ARNT2: variants seen among roughly 807,000 people sequenced by gnomAD.
ARNT2 encodes aryl hydrocarbon receptor nuclear translocator 2.
A neutral mutation model predicts 91.7 loss-of-function variants in ARNT2; 36 were observed. The ratio of observed to expected loss-of-function variants is 0.39; its 90% confidence interval spans 0.30 to 0.52. The LOEUF is 0.52. Ranked by LOEUF, ARNT2 falls within the 20% of genes least tolerant of loss-of-function variation. The probability of loss-of-function intolerance (pLI) is 0.72; values close to 1 mark genes in which losing one functional copy is unlikely to be tolerated. For synonymous variants in ARNT2, 365 were observed against 347.1 expected, an observed-to-expected ratio of 1.05 and a Z score of -0.57; for missense variants, 775 against 939.3, an observed-to-expected ratio of 0.83 and a Z score of 2.29.
chr15:80,431,547 C>T (rs28463420), intron 1 of ARNT2, among the ~76,000 whole-genome samples: 2,484 of 152,296 alleles, frequency 0.016, 63 homozygotes, highest in African/African-American at 0.056. Flanking sequence ...AAGCCATTCC[C>T]GGATGGGCCG....
At chr15:80,550,061 C>T (rs1898057438) in intron 8 of ARNT2, among the ~76,000 whole-genome samples, 1 of 152,090 alleles carries the variant, frequency 6.6e-6, no homozygotes, top group Non-Finnish European at 1.5e-5. Context: ...GAGTGAATTC[C>T]AGGACATAGT....
chr15:80,411,367 A>T (rs963276291), intron 1 of ARNT2, among the ~76,000 whole-genome samples: 1 of 152,244 alleles, frequency 6.6e-6, no homozygotes, highest in Non-Finnish European at 1.5e-5. Context: ...GGTTTTGTTA[A>T]TGAATAAATG....
chr15:80,542,908 G>A (rs1897933592), intron 8 of ARNT2, among the ~76,000 whole-genome samples: 1 of 151,698 alleles, frequency 6.6e-6, no homozygotes, highest in Admixed American at 6.6e-5. Flanking sequence ...TGCCAGCCTG[G>A]GCAACATGGT....
chr15:80,522,271 A>G (rs1897560031), intron 8 of ARNT2, among the ~76,000 whole-genome samples: 1 of 152,212 alleles, frequency 6.6e-6, no homozygotes, highest in African/African-American at 2.4e-5. Flanking sequence ...GTGATAAACA[A>G]GCAAACTGAG....
At chr15:80,415,651 A>G (rs1895769868) in intron 1 of ARNT2, among the ~76,000 whole-genome samples, 1 of 152,214 alleles carries the variant, frequency 6.6e-6, no homozygotes, top group Non-Finnish European at 1.5e-5. Context: ...CGGTCCACGT[A>G]ACATTGGATG....
chr15:80,459,008 T>C (rs1165108367), intron 3 of ARNT2, among the ~76,000 whole-genome samples: 1 of 152,196 alleles, frequency 6.6e-6, no homozygotes, highest in Non-Finnish European at 1.5e-5. Flanking sequence ...TGGTAGCCAT[T>C]TTTGGTGATG....
intron 1 of ARNT2, among the ~76,000 whole-genome samples, chr15:80,421,788 C>T (rs1023749806): frequency 5.3e-5 from 8 of 152,178 alleles, no homozygotes; most frequent in Non-Finnish European, 1.5e-5. Flanking sequence ...AAATTAGAAG[C>T]TAATCTCTGA....
At position 80,591,824 on chromosome 15, in the gene ARNT2, T is replaced by C; in HGVS notation, c.2055+120T>C. 1 of 1,486,962 alleles carries C rather than the reference T, an allele frequency of 6.7e-7. No homozygotes were observed. Among genetic ancestry groups the C allele is most frequent in the Non-Finnish European group, 9.0e-7 (1 of 1,107,848 alleles). The allele number at this position is 1,486,962 out of a possible 1,614,324, so 92.1% of individuals were successfully genotyped here. On this transcript the variant is annotated intron_variant, in intron 18 of 18. Coordinates refer to ENST00000303329, the MANE Select transcript of ARNT2 (RefSeq NM_014862.4). The surrounding 1 kb of genome is among the most constrained non-coding windows in gnomAD (Gnocchi z 5.1). The stretch of plus-strand genomic sequence containing the variant: ...AGCCGTCGTGAGTTCTGGCCCAGCC[T>C]GGGCTCGAGGGAGTCCAGGAGTAGA...
intron 1 of ARNT2, among the ~76,000 whole-genome samples, chr15:80,448,993 C>A (rs1042244232): frequency 1.1e-4 from 16 of 152,156 alleles, no homozygotes; most frequent in African/African-American, 2.6e-4. Flanking sequence ...TCAAAAAAAA[C>A]AAAACAAAAC....
intron 5 of ARNT2, chr15:80,488,677 C>G (rs1233622962): frequency 6.6e-6 from 1 of 152,024 alleles, no homozygotes; most frequent in Admixed American, 6.6e-5. Context: ...CTACTGCTCC[C>G]CAATGCGACC....
chr15:80,593,577 C>T, intron 18 of ARNT2, 23 bp from the exon 19 acceptor site: 1 of 1,555,074 alleles, frequency 6.4e-7, no homozygotes, highest in Non-Finnish European at 8.7e-7. Flanking sequence ...TCCCCTGTGG[C>T]TCTCTTTTCC....
rs1595948380 is a variant in ARNT2 at position 80,404,565 on chromosome 15, C to T, written c.31+19C>T. 1.8e-6 allele frequency: 2 copies of T among 1,095,320 alleles called. No individual in the cohort carries two copies. The highest frequency in any genetic ancestry group is 2.2e-6 in the Non-Finnish European group (2 of 896,386). 67.9% of individuals were successfully genotyped at this position (1,095,320 alleles called of 1,614,324 possible). A position where few individuals can be genotyped will look rare whatever the true frequency, so the allele number is the denominator to read the frequency against. On this transcript the variant is annotated intron_variant, in intron 1 of 18. Transcript: ENST00000303329. This position sits in a 1 kb window ranked among gnomAD's most constrained non-coding sequence, Gnocchi z 5.5. The stretch of plus-strand genomic sequence containing the variant: ...CCTCCGGGTGAGTAGCGGCCTGGGC[C>T]CCGCCGCCCGCCGCAGCCCGCAGGC...
chr15:80,485,915 G>A (rs1327609342), intron 5 of ARNT2, among the ~76,000 whole-genome samples: 1 of 152,196 alleles, frequency 6.6e-6, no homozygotes, highest in Non-Finnish European at 1.5e-5. Context: ...TCCTCTGGCT[G>A]CCGTAGTACA....
intron 8 of ARNT2, among the ~76,000 whole-genome samples, chr15:80,530,548 T>A (rs1427695773): frequency 6.6e-6 from 1 of 152,128 alleles, no homozygotes; most frequent in African/African-American, 2.4e-5. Flanking sequence ...GAACCATATA[T>A]TTCAAAGTTT....
chr15:80,482,058 G>T (rs1229048699), intron 5 of ARNT2, among the ~76,000 whole-genome samples: 2 of 152,196 alleles, frequency 1.3e-5, no homozygotes, highest in African/African-American at 4.8e-5. Flanking sequence ...ACAGGTGGGT[G>T]TCACTGCACT....
chr15:80,540,611 A>G (rs1190974327), intron 8 of ARNT2, among the ~76,000 whole-genome samples: 1 of 152,120 alleles, frequency 6.6e-6, no homozygotes, highest in Non-Finnish European at 1.5e-5. Flanking sequence ...CATAGTGAGT[A>G]TAGTACCCAA....
At position 80,521,607 on chromosome 15, in the gene ARNT2, A is replaced by G. The variant is rs745797919; in HGVS notation, c.877+7202A>G. ...AAATTTTTATTAAATTCTACATGTC[A>G]TTGCAGTCCATATAAATAAATACTT... On this transcript the variant is annotated intron_variant, in intron 8 of 18. Coordinates refer to ENST00000303329, the MANE Select transcript of ARNT2 (RefSeq NM_014862.4). Among the ~76,000 whole-genome samples, 8 of 151,960 alleles carry G rather than the reference A, an allele frequency of 5.3e-5. No individual in the cohort carries two copies. The East Asian group carries it at 1.4e-3, about 26-fold the overall frequency.
At position 80,567,562 on chromosome 15, in the gene ARNT2, A is replaced by C. The variant is rs140501143; in HGVS notation, c.1316+4323A>C. ...AAGCATCCCCAGGAGGTAGCACTGCAGTGGGGTTTGCAAGAAAAGTAAAGA... is the reference window on the plus strand; with the variant it reads ...AAGCATCCCCAGGAGGTAGCACTGCCGTGGGGTTTGCAAGAAAAGTAAAGA... On this transcript the variant is annotated intron_variant, in intron 12 of 18. Coordinates refer to ENST00000303329, the MANE Select transcript of ARNT2 (RefSeq NM_014862.4). Among the ~76,000 whole-genome samples, 517 of 152,308 alleles carry C rather than the reference A, an allele frequency of 3.4e-3. 2 individuals carry two copies. The highest frequency in any genetic ancestry group is 0.012 in the African/African-American group (505 of 41,578).
intron 3 of ARNT2, 148 bp downstream of exon 3, chr15:80,458,124 A>G (rs773150383): frequency 8.5e-5 from 66 of 780,014 alleles, no homozygotes; most frequent in Non-Finnish European, 1.2e-4. Flanking sequence ...TATTTGGCCC[A>G]GTGGCAGCTA....
Sources: gnomAD v4.1 joint callset for allele counts (sites outside exome capture counted in the v4.1 genomes callset) on GRCh38, gnomAD v4.1.1 for gene constraint, Gnocchi (gnomAD v3.1) non-coding constraint, MANE v1.5 for transcripts, NCBI Gene and HGNC (gene_info 2026-07-23, HGNC 2026-07-21) for gene names.